The following SCOC variants were observed in gnomAD, a reference collection of about 807,000 sequenced individuals.
The protein encoded by SCOC is short coiled-coil protein.
In SCOC, 7 loss-of-function variants were observed where a neutral mutation model predicts 9.9. The observed-to-expected ratio is 0.71, with a 90% confidence interval of 0.40 to 1.33. The LOEUF is 1.33. Among genes scored for constraint, SCOC ranks in the 40% most tolerant of loss-of-function variants. SCOC has a pLI of 0.01. For synonymous variants in SCOC, 19 were observed against 28.2 expected (o/e 0.67, Z 1.03); for missense variants, 66 against 89.7 (o/e 0.74, Z 1.07).
chr4:140,300,001 G>A (rs1731766971), intron 1 of SCOC, among the ~76,000 whole-genome samples: 1 of 152,118 alleles, frequency 6.6e-6, no homozygotes, highest in Admixed American at 6.5e-5. Flanking sequence ...AGTCTTATAG[G>A]CCCAGCTTTG....
chr4:140,281,501 G>A (rs1731094996), intron 1 of SCOC, among the ~76,000 whole-genome samples: 1 of 152,184 alleles, frequency 6.6e-6, no homozygotes, highest in Non-Finnish European at 1.5e-5. Context: ...AATACTCATG[G>A]CTTACATTTT....
At chr4:140,362,299 C>CTTCTTCTTCTTCTTCTTCT (rs367795160) in intron 2 of SCOC, among the ~76,000 whole-genome samples, 8 of 38,368 alleles carry the variant, frequency 2.1e-4, no homozygotes, top group African/African-American at 6.0e-4. Flanking sequence ...TCTTCTTCTT[C>CTTCTTCTTCTTCTTCTTCT]TTTTTTTTTT....
chr4:140,301,818 A>T (rs1474768970), intron 1 of SCOC, among the ~76,000 whole-genome samples: 1 of 152,048 alleles, frequency 6.6e-6, no homozygotes, highest in Non-Finnish European at 1.5e-5. Flanking sequence ...AAAAACTATT[A>T]TTCTTTTTAT....
At chr4:140,367,765 G>A (rs1363105633) in intron 2 of SCOC, among the ~76,000 whole-genome samples, 2 of 152,160 alleles carry the variant, frequency 1.3e-5, no homozygotes, top group Non-Finnish European at 2.9e-5. Context: ...GAGAATCACA[G>A]AATCACAAAA....
chr4:140,356,975 G>T (rs1391929286), intron 2 of SCOC, among the ~76,000 whole-genome samples: 1 of 152,054 alleles, frequency 6.6e-6, no homozygotes, highest in Non-Finnish European at 1.5e-5. Context: ...TTATTTATTT[G>T]TTCATTTATT....
At chr4:140,266,312 T>A (rs1016879787) in intron 1 of SCOC, among the ~76,000 whole-genome samples, 5 of 152,118 alleles carry the variant, frequency 3.3e-5, no homozygotes, top group African/African-American at 1.2e-4. Flanking sequence ...ATCATAGACT[T>A]GGTGGCTTAT....
At chr4:140,279,453 A>T (rs986637391) in intron 1 of SCOC, among the ~76,000 whole-genome samples, 3 of 152,194 alleles carry the variant, frequency 2.0e-5, no homozygotes, top group African/African-American at 7.2e-5. Context: ...CATGGCAGCC[A>T]CTAGTCAACT....
chr4:140,290,491 G>A lies in SCOC; in HGVS notation c.-19+33081G>A, dbSNP rs570275925. Among the ~76,000 whole-genome samples the A allele has an allele frequency of 3.9e-5, 6 of 152,282 alleles. No individual in the cohort carries two copies. In the East Asian group the frequency reaches 1.2e-3, roughly 29 times the overall value. On this transcript the variant is annotated intron_variant, in intron 1 of 4. Transcript: ENST00000394205. ...TACAATAGACTACTGCTGAGCCTATGTGACCTCATGAATTGGCAGTTTCAA... is the reference window on the plus strand; with the variant it reads ...TACAATAGACTACTGCTGAGCCTATATGACCTCATGAATTGGCAGTTTCAA...
chr4:140,352,874 A>T (rs144625457), intron 2 of SCOC, among the ~76,000 whole-genome samples: 4 of 152,186 alleles, frequency 2.6e-5, no homozygotes, highest in Non-Finnish European at 5.9e-5. Flanking sequence ...AAAATCCTTC[A>T]TAGTTATGGT....
At chr4:140,377,728 A>G (rs1464515190) in intron 1 of SCOC, among the ~76,000 whole-genome samples, 1 of 152,202 alleles carries the variant, frequency 6.6e-6, no homozygotes, top group Non-Finnish European at 1.5e-5. Context: ...CTGAAGTACA[A>G]CAAGATTTGT....
Position 140,260,694 on chromosome 4 carries a change from A to G in SCOC, c.-19+3284A>G, listed in dbSNP as rs945389113. Among the ~76,000 whole-genome samples the G allele has an allele frequency of 3.3e-5, 5 of 152,148 alleles. No homozygotes were observed. The East Asian group carries it at 5.8e-4, about 18-fold the overall frequency. Reference sequence around the variant, plus strand: ...GTTTAAAATGTAGGCTTCCAGGCCCACTCCAAAGAATAACATTCACTCATT... The same window carrying G: ...GTTTAAAATGTAGGCTTCCAGGCCCGCTCCAAAGAATAACATTCACTCATT... On this transcript the variant is annotated intron_variant, in intron 1 of 4. Transcript: ENST00000394205.
intron 2 of SCOC, among the ~76,000 whole-genome samples, chr4:140,362,313 T>TCTTCTTCTTCCTCTTCCTCTTCCTC (rs1727594134): frequency 1.2e-5 from 1 of 84,178 alleles, no homozygotes; most frequent in African/African-American, 4.0e-5. Flanking sequence ...TTTTTTTTTT[T>TCTTCTTCTTCCTCTTCCTCTTCCTC]TTGTGAGAGT....
At chr4:140,341,639 G>C (rs1415618493), upstream of SCOC, among the ~76,000 whole-genome samples, 1 of 152,196 alleles carries the variant, frequency 6.6e-6, no homozygotes, top group African/African-American at 2.4e-5. Context: ...ATTATATACA[G>C]AGTTGCTAGA....
At chr4:140,305,435 T>C (rs1731939769) in intron 1 of SCOC, among the ~76,000 whole-genome samples, 1 of 152,202 alleles carries the variant, frequency 6.6e-6, no homozygotes, top group African/African-American at 2.4e-5. Context: ...ATAGCAGACA[T>C]TGTCTTATAT....
intron 2 of SCOC, among the ~76,000 whole-genome samples, chr4:140,362,353 T>C (rs1386001330): frequency 8.9e-6 from 1 of 111,734 alleles, no homozygotes; most frequent in Non-Finnish European, 1.8e-5. Context: ...TGGAGTGCAG[T>C]AGTGTGATCT....
intron 1 of SCOC, among the ~76,000 whole-genome samples, chr4:140,264,730 A>G (rs1730699496): frequency 6.6e-6 from 1 of 152,198 alleles, no homozygotes; most frequent in Non-Finnish European, 1.5e-5. Context: ...AAAACCTAAT[A>G]TTATTGGAAC....
intron 2 of SCOC, among the ~76,000 whole-genome samples, chr4:140,355,146 T>C (rs1578848833): frequency 6.6e-6 from 1 of 150,506 alleles, no homozygotes; most frequent in African/African-American, 2.4e-5. Context: ...CCAGCGAATA[T>C]AAAGCAGGCA....
intron 1 of SCOC, among the ~76,000 whole-genome samples, chr4:140,297,728 GA>G (rs1360885756): frequency 3.9e-5 from 6 of 152,004 alleles, no homozygotes; most frequent in Non-Finnish European, 7.4e-5. Context: ...TAAATCAAAG[GA>G]AAAAAACAAT....
At chr4:140,373,132 C>A, upstream of SCOC, 1 of 378,794 alleles carries the variant, frequency 2.6e-6, no homozygotes, top group Non-Finnish European at 3.9e-6. Context: ...TTTCCGATTT[C>A]GGAAATAAGA....
Sources: gnomAD v4.1 joint callset for allele counts (sites outside exome capture counted in the v4.1 genomes callset) on GRCh38, gnomAD v4.1.1 for gene constraint, MANE v1.5 for transcripts, NCBI Gene and HGNC (gene_info 2026-07-23, HGNC 2026-07-21) for gene names.